Variants in RALY observed in about 807,000 individuals in gnomAD.
RALY encodes the protein RNA-binding protein Raly.
Under a neutral mutation model 30.7 loss-of-function variants are expected in RALY, and 15 were observed. The ratio of observed to expected loss-of-function variants is 0.49; its 90% CI spans 0.33 to 0.75. The LOEUF is 0.75. RALY is among the 30% of genes least tolerant of loss of function. RALY has a pLI of 0.02. For missense variants in RALY, 339 were observed against 414.3 expected, an observed-to-expected ratio of 0.82 and a Z score of 1.58; for synonymous variants, 177 against 170.8, an observed-to-expected ratio of 1.04 and a Z score of -0.28.
At chr20:34,072,515 C>G (rs1172412324) in intron 3 of RALY, among the ~76,000 whole-genome samples, 185 bp downstream of exon 3, 2 of 152,164 alleles carry the variant, frequency 1.3e-5, no homozygotes, top group South Asian at 2.1e-4. Flanking sequence ...ATTTTAGAAG[C>G]CTCTGGAAAA....
At chr20:34,063,245 A>G (rs1568689127) in intron 2 of RALY, among the ~76,000 whole-genome samples, 1 of 152,214 alleles carries the variant, frequency 6.6e-6, no homozygotes, top group Non-Finnish European at 1.5e-5. Flanking sequence ...TATCATGATC[A>G]CATGTTTGGG....
chr20:34,011,371 C>G (rs1368133882), intron 1 of RALY, among the ~76,000 whole-genome samples: 1 of 152,100 alleles, frequency 6.6e-6, no homozygotes, highest in Non-Finnish European at 1.5e-5. Context: ...AAAGTGAGAT[C>G]TGATTTTGAA....
At chr20:34,052,568 C>G (rs2033112388) in intron 2 of RALY, among the ~76,000 whole-genome samples, 1 of 152,172 alleles carries the variant, frequency 6.6e-6, no homozygotes, top group South Asian at 2.1e-4. Flanking sequence ...GTTAGAGCAT[C>G]AAGCTTTCTG....
At chr20:34,045,290 AAGAT>A (rs1242040143) in intron 2 of RALY, among the ~76,000 whole-genome samples, 1 of 152,236 alleles carries the variant, frequency 6.6e-6, no homozygotes, top group Non-Finnish European at 1.5e-5. Flanking sequence ...ATTATGAAGA[AAGAT>A]AAGCAGGAGT....
At chr20:34,038,957 T>C (rs74804298) in intron 2 of RALY, among the ~76,000 whole-genome samples, 125 of 152,312 alleles carry the variant, frequency 8.2e-4, no homozygotes, top group African/African-American at 2.6e-3. Flanking sequence ...CTTAACCTTG[T>C]TCTACTGACT....
chr20:34,047,778 A>T (rs574476386), intron 2 of RALY, among the ~76,000 whole-genome samples: 1 of 152,344 alleles, frequency 6.6e-6, no homozygotes, highest in South Asian at 2.1e-4. Context: ...GGTGCCACAC[A>T]GTACCAGATA....
rs1007005603 is a variant in RALY, at chr20:34,015,642, G to A, written c.-92-15880G>A. Among the ~76,000 whole-genome samples the A allele has an allele frequency of 2.6e-4, 39 of 150,584 alleles. 1 individual carries two copies. Among genetic ancestry groups the A allele is most frequent in the South Asian group, 2.1e-4 (1 of 4,790 alleles). ...GGGTGTCATTATCATTTTATTTTTC[G>A]TAGTTGTCAAAATGTCAATTTTAAT... On this transcript the variant is annotated intron_variant, in intron 1 of 9. Transcript: ENST00000246194.
chr20:34,066,213 G>A (rs2033567141), intron 2 of RALY, among the ~76,000 whole-genome samples: 1 of 150,104 alleles, frequency 6.7e-6, no homozygotes, highest in Non-Finnish European at 1.5e-5. Context: ...GGCGGGATGG[G>A]TGCAGTGGCT....
chr20:34,025,897 T>TTG (rs1555802856), intron 1 of RALY, among the ~76,000 whole-genome samples: 1 of 100,668 alleles, frequency 9.9e-6, no homozygotes, highest in African/African-American at 3.5e-5. Flanking sequence ...AGATTCCTGG[T>TTG]TGTTTTTTTT....
rs527707146 is a variant in RALY, at chr20:34,050,962, G to T, written c.-10+19358G>T. Among the ~76,000 whole-genome samples the T allele has an allele frequency of 8.5e-5, 13 of 152,282 alleles. No individual in the cohort carries two copies. In the East Asian group the frequency reaches 2.1e-3, roughly 25 times the overall value. Reference sequence around the variant, plus strand: ...GACAGCCTAGAGAGTAATCAATACTGAGAGAAATGGACATATTTCCTGTTT... The same window carrying T: ...GACAGCCTAGAGAGTAATCAATACTTAGAGAAATGGACATATTTCCTGTTT... On this transcript the variant is annotated intron_variant, in intron 2 of 9. Transcript: ENST00000246194.
chr20:34,028,654 A>G (rs1233401245), intron 1 of RALY, among the ~76,000 whole-genome samples: 2 of 135,574 alleles, frequency 1.5e-5, no homozygotes, highest in Non-Finnish European at 3.1e-5. Context: ...CAGTGAGCCT[A>G]GATCGTGTCA....
chr20:34,052,086 C>G (rs886106873), intron 2 of RALY, among the ~76,000 whole-genome samples: 18 of 152,158 alleles, frequency 1.2e-4, no homozygotes, highest in Admixed American at 2.0e-4. Context: ...CCCTAGAGAT[C>G]TGTCCCAGTG....
rs771560764 is a variant in RALY, at chr20:34,073,606, G to A, written c.300G>A (p.Gly100=). 1 of 1,605,176 alleles carries A rather than the reference G, an allele frequency of 6.2e-7. No individual in the cohort carries two copies. The highest frequency in any genetic ancestry group is 8.5e-7 in the Non-Finnish European group (1 of 1,171,848). Residue 100 remains glycine, a synonymous_variant, in exon 4 of 10, where the codon GGG becomes GGA. Transcript: ENST00000246194. ...AGEPKPDRPK[G]LKRAASAIYS... ...AGCCTAAGCCTGACAGACCCAAGGG[G>A]CTAAAGAGAGCAGCATCTGCCATAT...
chr20:34,049,891 A>G (rs1018928449), intron 2 of RALY, among the ~76,000 whole-genome samples: 13 of 152,154 alleles, frequency 8.5e-5, no homozygotes, highest in Non-Finnish European at 1.2e-4. Context: ...CTTAGTGGCA[A>G]ATTATCCCCT....
intron 2 of RALY, among the ~76,000 whole-genome samples, chr20:34,068,934 A>G (rs150887597): frequency 7.2e-5 from 11 of 152,190 alleles, no homozygotes; most frequent in African/African-American, 2.4e-4. Context: ...TGTACAGGGC[A>G]TGAAAGTGGA....
intron 1 of RALY, among the ~76,000 whole-genome samples, chr20:34,018,793 T>G (rs546187601): frequency 6.6e-6 from 1 of 152,230 alleles, no homozygotes; most frequent in African/African-American, 2.4e-5. Flanking sequence ...TCAATAGAGG[T>G]TCCTTTGCAT....
At chr20:34,037,198 T>C (rs2032528185) in intron 2 of RALY, among the ~76,000 whole-genome samples, 1 of 152,194 alleles carries the variant, frequency 6.6e-6, no homozygotes, top group Non-Finnish European at 1.5e-5. Context: ...CTACAATGTA[T>C]ATGTGTTACC....
At chr20:34,044,052 A>G (rs2032791999) in intron 2 of RALY, among the ~76,000 whole-genome samples, 1 of 151,996 alleles carries the variant, frequency 6.6e-6, no homozygotes, top group African/African-American at 2.4e-5. Context: ...CCAAGCAGAA[A>G]GACCAGTGAG....
chr20:34,003,741 G>A (rs2031032646), intron 1 of RALY, among the ~76,000 whole-genome samples: 1 of 144,544 alleles, frequency 6.9e-6, no homozygotes, highest in African/African-American at 2.6e-5. Flanking sequence ...CCGGGTTCAC[G>A]CCATTCTCCT....
Sources: gnomAD v4.1 joint callset for allele counts (sites outside exome capture counted in the v4.1 genomes callset) on GRCh38, gnomAD v4.1.1 for gene constraint, MANE v1.5 for transcripts, NCBI Gene and HGNC (gene_info 2026-07-23, HGNC 2026-07-21) for gene names.